Variants in SVEP1 observed in about 807,000 individuals in gnomAD.
SVEP1 encodes sushi, von Willebrand factor type A, EGF and pentraxin domain containing 1.
A neutral mutation model predicts 367.3 loss-of-function variants in SVEP1; 164 were observed. That is an observed-to-expected ratio of 0.45 (90% CI 0.39 to 0.51). The LOEUF (loss-of-function observed/expected upper bound fraction) is 0.51, where lower values mean the gene tolerates loss of function less well. Ranked by LOEUF, SVEP1 falls within the 20% of genes least tolerant of loss-of-function variation. The pLI, the probability that SVEP1 is intolerant of heterozygous loss-of-function variation, is 0.00. For synonymous variants in SVEP1, 1,666 were observed against 1,611.6 expected (o/e 1.03, Z -0.81); for missense variants, 4,117 against 4,425.3 (o/e 0.93, Z 1.98).
rs1828409477 is a variant in SVEP1, at chr9:110,434,835, AGTTT to A, written c.4889-333_4889-330del. Among the ~76,000 whole-genome samples the A allele has an allele frequency of 4.6e-5, 7 of 152,022 alleles. No homozygotes were observed. In the South Asian group the frequency reaches 1.5e-3, roughly 32 times the overall value. On this transcript the variant is annotated intron_variant, in intron 29 of 47. Coordinates refer to ENST00000374469, the MANE Select transcript of SVEP1 (RefSeq NM_153366.4). ...TTTTATGATACAGTTTTGATCATTCAGTTTTAGTGTGCAGATTGCAACATCCATC... is the reference window on the plus strand; with the variant it reads ...TTTTATGATACAGTTTTGATCATTCATAGTGTGCAGATTGCAACATCCATC...
In SVEP1 at chr9:110,390,135, G is replaced by C. The variant is rs1394199946; in HGVS notation, c.9823-548C>G. On this transcript the variant is annotated intron_variant, in intron 40 of 47. Coordinates refer to ENST00000374469, the MANE Select transcript of SVEP1 (RefSeq NM_153366.4). ...TATATATACATACATACTTATATAAGTATATATACAAGTATATACATACAT... is the reference window on the plus strand; with the variant it reads ...TATATATACATACATACTTATATAACTATATATACAAGTATATACATACAT... 2.3e-5 allele frequency among the ~76,000 whole-genome samples: 3 copies of C among 128,814 alleles called. No individual in the cohort carries two copies. The Admixed American group carries it at 2.4e-4, about 10-fold the overall frequency. The allele number at this position is 128,814 out of a possible 152,430, so 84.5% of individuals were successfully genotyped here.
At position 110,465,741 on chromosome 9, in the gene SVEP1, G is replaced by A. The variant is rs1042196866; in HGVS notation, c.3322+124C>T. The A allele has an allele frequency of 5.6e-6, 7 of 1,248,854 alleles. No individual in the cohort carries two copies. In the African/African-American group the frequency reaches 7.5e-5, roughly 13 times the overall value. 77.4% of individuals were successfully genotyped at this position (1,248,854 alleles called of 1,614,324 possible). A position where few individuals can be genotyped will look rare whatever the true frequency, so the allele number is the denominator to read the frequency against. On this transcript the variant is annotated intron_variant, in intron 18 of 47. Coordinates refer to ENST00000374469, the MANE Select transcript of SVEP1 (RefSeq NM_153366.4). ...TAAACAAACAAAAAAACCTCTTTAT[G>A]AAGAGACAGTTATTTCCATTCTGTG...
At chr9:110,493,160 C>A (rs1829395797) in intron 8 of SVEP1, among the ~76,000 whole-genome samples, 1 of 151,842 alleles carries the variant, frequency 6.6e-6, no homozygotes, top group South Asian at 2.1e-4. Context: ...AGGGGAAGGG[C>A]AGCAGAGGTC....
chr9:110,514,581 C>T (rs1829777234), intron 3 of SVEP1, among the ~76,000 whole-genome samples: 1 of 150,894 alleles, frequency 6.6e-6, no homozygotes, highest in Non-Finnish European at 1.5e-5. Context: ...GAGAAACCAA[C>T]ATTTTTGTTT....
At chr9:110,478,713 G>A (rs895155118) in intron 13 of SVEP1, among the ~76,000 whole-genome samples, 3 of 152,106 alleles carry the variant, frequency 2.0e-5, no homozygotes, top group African/African-American at 4.8e-5. Context: ...TAAATATAAC[G>A]TTTTTACCAA....
At chr9:110,384,448 G>A (rs1274071565) in intron 43 of SVEP1, among the ~76,000 whole-genome samples, 1 of 131,096 alleles carries the variant, frequency 7.6e-6, no homozygotes, top group African/African-American at 2.9e-5. Context: ...GGAGGCTCCG[G>A]CCACAGCTGT....
chr9:110,450,122 T>C lies in SVEP1; in HGVS notation c.4040A>G (p.Asp1347Gly). Residue 1347 changes from aspartate (D) to glycine (G), a missense_variant, in exon 24 of 48, where the codon GAT (aspartate) becomes GGT (glycine). By Grantham distance (94) the Asp-to-Gly change is moderately conservative. This residue lies in a region of SVEP1 where 2,174 missense variants were observed against 2,494.3 expected (regional missense o/e 0.87). Transcript: ENST00000374469. Reference protein sequence around the residue: ...FLGTRCGKNVDECLSQPCKNG... With the variant: ...FLGTRCGKNVGECLSQPCKNG... ...TTTGCATGGCTGACTGAGACACTCA[T>C]CGACGTTCTTTCCACATCGGGTACC... 4 of 1,613,960 alleles carry C rather than the reference T, an allele frequency of 2.5e-6. No individual in the cohort carries two copies. The highest frequency in any genetic ancestry group is 1.1e-5 in the South Asian group (1 of 91,080).
intron 30 of SVEP1, 95 bp from the exon 31 acceptor site, chr9:110,432,730 C>T (rs1166201101): frequency 7.2e-7 from 1 of 1,396,240 alleles, no homozygotes; most frequent in Non-Finnish European, 9.7e-7. Context: ...TTAAGCATGA[C>T]ATTTTTACTG....
chr9:110,411,842 TC>T, intron 36 of SVEP1, 107 bp from the exon 37 acceptor site: 1 of 1,057,560 alleles, frequency 9.5e-7, no homozygotes, highest in South Asian at 1.9e-5. Context: ...TTTAAATTTA[TC>T]TTTAAAATAA....
At chr9:110,448,512 T>C (rs1245795199) in intron 24 of SVEP1, among the ~76,000 whole-genome samples, 1 of 152,248 alleles carries the variant, frequency 6.6e-6, no homozygotes, top group East Asian at 1.9e-4. Context: ...ACTGGGTCTC[T>C]GCATTTGACG....
chr9:110,455,475 A>G (rs757204569), intron 22 of SVEP1, 115 bp downstream of exon 22: 116 of 726,190 alleles, frequency 1.6e-4, no homozygotes, highest in Non-Finnish European at 2.1e-4. Context: ...TGCTTCTTCA[A>G]TATGTTTATA....
intron 21 of SVEP1, among the ~76,000 whole-genome samples, chr9:110,456,784 A>G (rs927179052): frequency 6.6e-6 from 1 of 152,234 alleles, no homozygotes; most frequent in Non-Finnish European, 1.5e-5. Context: ...TTCCTACATA[A>G]TAAAGCCCAA....
At position 110,511,487 on chromosome 9, in the gene SVEP1, CCTTTTTTTTTTTTTT is replaced by C. The variant is rs1297731373; in HGVS notation, c.1303+1424_1303+1438del. Among the ~76,000 whole-genome samples, 199 of 69,550 alleles carry C rather than the reference CCTTTTTTTTTTTTTT, an allele frequency of 2.9e-3. 9 individuals carry two copies. Among genetic ancestry groups the C allele is most frequent in the East Asian group, 6.0e-3 (18 of 3,014 alleles). 45.6% of individuals were successfully genotyped at this position (69,550 alleles called of 152,430 possible). On this transcript the variant is annotated intron_variant, in intron 5 of 47. Transcript: ENST00000374469. ...ACTAGGTCCATTCATTGTGTCAGTACCTTTTTTTTTTTTTTTTTTTTTTTTTTTTTTTTTTTTTTA... is the reference window on the plus strand; with the variant it reads ...ACTAGGTCCATTCATTGTGTCAGTACTTTTTTTTTTTTTTTTTTTTTTTTA...
chr9:110,423,678 A>G (rs1828210459), intron 36 of SVEP1, among the ~76,000 whole-genome samples: 1 of 152,186 alleles, frequency 6.6e-6, no homozygotes, highest in South Asian at 2.1e-4. Flanking sequence ...ATTAAAATAA[A>G]AAATTCTATA....
chr9:110,484,285 G>C (rs1385065557), intron 9 of SVEP1, among the ~76,000 whole-genome samples: 1 of 152,138 alleles, frequency 6.6e-6, no homozygotes, highest in Non-Finnish European at 1.5e-5. Flanking sequence ...TCTAGATGAA[G>C]ACAAAGAAAA....
chr9:110,502,858 A>G (rs1295156182), intron 6 of SVEP1, among the ~76,000 whole-genome samples, 180 bp downstream of exon 6: 3 of 150,772 alleles, frequency 2.0e-5, no homozygotes, highest in African/African-American at 7.3e-5. Context: ...TTCCTTTACT[A>G]GTGGAGAGGA....
chr9:110,430,531 T>G, intron 32 of SVEP1, 81 bp from the exon 33 acceptor site: 1 of 1,418,942 alleles, frequency 7.0e-7, no homozygotes. Flanking sequence ...AATTCCACTA[T>G]AGTTAAGAAA....
At chr9:110,555,879 T>C (rs763311602) in intron 1 of SVEP1, among the ~76,000 whole-genome samples, 2 of 152,224 alleles carry the variant, frequency 1.3e-5, no homozygotes, top group African/African-American at 2.4e-5. Context: ...AACGTTTTTA[T>C]ACCCCAGATT....
intron 9 of SVEP1, among the ~76,000 whole-genome samples, chr9:110,489,129 T>C (rs767600460): frequency 1.3e-5 from 2 of 152,068 alleles, no homozygotes; most frequent in Non-Finnish European, 2.9e-5. Flanking sequence ...GTTAAAGGGT[T>C]TGTAGGTTTC....
Sources: gnomAD v4.1 joint callset for allele counts (sites outside exome capture counted in the v4.1 genomes callset) on GRCh38, gnomAD v4.1.1 for gene constraint, gnomAD v4.1.1 regional missense constraint, MANE v1.5 for transcripts, NCBI Gene and HGNC (gene_info 2026-07-23, HGNC 2026-07-21) for gene names.